Variants in DLST observed in about 807,000 individuals in gnomAD.
The protein encoded by DLST is dihydrolipoyllysine-residue succinyltransferase component of 2-oxoglutarate dehydrogenase complex, mitochondrial.
In DLST, 17 loss-of-function variants were observed where a neutral mutation model predicts 53.1. The ratio of observed to expected loss-of-function variants is 0.32; its 90% CI spans 0.22 to 0.48. The LOEUF (loss-of-function observed/expected upper bound fraction) is 0.48, where lower values mean the gene tolerates loss of function less well. Among genes scored for constraint, DLST ranks in the 20% least tolerant of loss-of-function variants. DLST has a pLI of 0.99. For missense variants in DLST, 512 were observed against 583.9 expected, an observed-to-expected ratio of 0.88 and a Z score of 1.27; for synonymous variants, 206 against 204.8, an observed-to-expected ratio of 1.01 and a Z score of -0.05.
rs965635484 is a variant in DLST at position 74,903,494 on chromosome 14, A to C, written c.*1164A>C. On this transcript the variant is annotated 3_prime_UTR_variant, in exon 15 of 15. Coordinates refer to ENST00000334220, the MANE Select transcript of DLST (RefSeq NM_001933.5). ...ATTGGAATTCCTTGGAGCCACTGGG[A>C]TTCATGGCTTTGTATCCAACTGCAT... 1 of 151,244 alleles carries C rather than the reference A, an allele frequency of 6.6e-6. No individual in the cohort carries two copies. The highest frequency in any genetic ancestry group is 2.4e-5 in the African/African-American group (1 of 41,066). 9.4% of individuals were successfully genotyped at this position (151,244 alleles called of 1,614,324 possible).
chr14:74,890,988 T>C (rs1290033645), intron 6 of DLST, 68 bp from the exon 7 acceptor site: 2 of 1,559,874 alleles, frequency 1.3e-6, no homozygotes, highest in Non-Finnish European at 1.7e-6. Flanking sequence ...TCATTGGAGA[T>C]TCTATACAGC....
intron 1 of DLST, 101 bp from the exon 2 acceptor site, chr14:74,882,490 C>T (rs939502601): frequency 4.6e-5 from 55 of 1,184,026 alleles, no homozygotes; most frequent in Non-Finnish European, 6.4e-5. Flanking sequence ...CGAGATTCAC[C>T]TGTCACCACC....
At chr14:74,890,050 T>A in intron 6 of DLST, 98 bp downstream of exon 6, 2 of 835,382 alleles carry the variant, frequency 2.4e-6, no homozygotes, top group Non-Finnish European at 3.6e-6. Flanking sequence ...AGATAATTTT[T>A]AACTAGCTCT....
At position 74,895,008 on chromosome 14, in the gene DLST, G is replaced by A. The variant is rs1232068754; in HGVS notation, c.770+599G>A. Among the ~76,000 whole-genome samples, 3 of 152,064 alleles carry A rather than the reference G, an allele frequency of 2.0e-5. No homozygotes were observed. In the South Asian group the frequency reaches 6.2e-4, roughly 31 times the overall value. ...TTTGGGAGGCCGAGGCAGGCGGATTGCTTGAGTCCAGGAGTTCAAGACCAG... is the reference window on the plus strand; with the variant it reads ...TTTGGGAGGCCGAGGCAGGCGGATTACTTGAGTCCAGGAGTTCAAGACCAG... On this transcript the variant is annotated intron_variant, in intron 10 of 14. Coordinates refer to ENST00000334220, the MANE Select transcript of DLST (RefSeq NM_001933.5).
intron 2 of DLST, among the ~76,000 whole-genome samples, 159 bp downstream of exon 2, chr14:74,882,783 C>T (rs978939165): frequency 1.3e-5 from 2 of 152,206 alleles, no homozygotes; most frequent in African/African-American, 4.8e-5. Flanking sequence ...ATCGCTTATT[C>T]ATTTAGCTCG....
At chr14:74,882,430 G>A (rs973398202) in intron 1 of DLST, among the ~76,000 whole-genome samples, 161 bp from the exon 2 acceptor site, 4 of 150,022 alleles carry the variant, frequency 2.7e-5, no homozygotes, top group Non-Finnish European at 4.5e-5. Flanking sequence ...CAGGCCCAGC[G>A]TGTTGATTGG....
At chr14:74,889,665 G>A (rs1357686480) in intron 5 of DLST, 6 of 559,250 alleles carry the variant, frequency 1.1e-5, no homozygotes, top group Non-Finnish European at 1.9e-5. Context: ...GAGCCACTGC[G>A]TGAGCCACTG....
At chr14:74,898,234 T>G in intron 10 of DLST, 135 bp from the exon 11 acceptor site, 1 of 1,144,370 alleles carries the variant, frequency 8.7e-7, no homozygotes, top group Non-Finnish European at 1.2e-6. Flanking sequence ...AGGTAGACTA[T>G]TTCAAAACTT....
Position 74,902,296 on chromosome 14 carries a change from T to C in DLST, c.1328T>C (p.Val443Ala). The part of the protein sequence containing the change: ...VTFLRKIKAA[V>A]EDPRVLLLDL ...TTCCTCCGCAAAATCAAGGCAGCGG[T>C]AGAGGATCCCAGAGTCCTCCTCCTG... The change falls in exon 15 of 15, where the codon GTA becomes GCA. Residue 443 changes from valine (V) to alanine (A), a missense_variant. By Grantham distance (64) the Val-to-Ala change is moderately conservative (BLOSUM62 0). Transcript: ENST00000334220. The C allele has an allele frequency of 6.2e-7, 1 of 1,612,908 alleles. No homozygotes were observed. The highest frequency in any genetic ancestry group is 8.5e-7 in the Non-Finnish European group (1 of 1,179,582).
intron 1 of DLST, 26 bp downstream of exon 1, chr14:74,882,042 C>T (rs564767822): frequency 1.3e-6 from 2 of 1,529,146 alleles, no homozygotes; most frequent in South Asian, 1.2e-5. Context: ...GCCGGGGCCC[C>T]GACGGGTGAG....
At chr14:74,896,849 G>A (rs1436759712) in intron 10 of DLST, among the ~76,000 whole-genome samples, 2 of 152,216 alleles carry the variant, frequency 1.3e-5, no homozygotes, top group Non-Finnish European at 2.9e-5. Flanking sequence ...TGGAAAGGAA[G>A]CGTAATAGCT....
In DLST at chr14:74,901,053, A is replaced by C; in HGVS notation, c.1060-13A>C. ...GGTTGGCTTGATATTTCAATTATGAAATCTGTTTTTAGGCCCGAAAGAATG... is the reference window on the plus strand; with the variant it reads ...GGTTGGCTTGATATTTCAATTATGACATCTGTTTTTAGGCCCGAAAGAATG... On this transcript the variant is annotated splice_polypyrimidine_tract_variant and intron_variant, in intron 13 of 14. Transcript: ENST00000334220. 6.2e-7 allele frequency: 1 copy of C among 1,612,846 alleles called. No individual in the cohort carries two copies. The highest frequency in any genetic ancestry group is 1.3e-5 in the African/African-American group (1 of 74,910).
At chr14:74,891,486 C>T (rs1413975059) in intron 7 of DLST, 3 of 1,010,152 alleles carry the variant, frequency 3.0e-6, no homozygotes, top group Non-Finnish European at 2.4e-6. Context: ...CTGAAATGCT[C>T]CAAAACTGAA....
At position 74,893,347 on chromosome 14, in the gene DLST, G is replaced by A. The variant is rs772669858; in HGVS notation, c.596-1G>A. 9 of 1,614,044 alleles carry A rather than the reference G, an allele frequency of 5.6e-6. No homozygotes were observed. The highest frequency in any genetic ancestry group is 2.7e-5 in the African/African-American group (2 of 74,898). The stretch of plus-strand genomic sequence containing the variant: ...CAGCTTTATCCTCTTTTCATTTTCA[G>A]TGTCTGCAGTAAAACCCACTGTTGC... On this transcript the variant is annotated splice_acceptor_variant, in intron 8 of 14. Coordinates refer to ENST00000334220, the MANE Select transcript of DLST (RefSeq NM_001933.5). LOFTEE classifies it high-confidence loss of function.
chr14:74,900,537 C>T (rs548997631), intron 13 of DLST, among the ~76,000 whole-genome samples, 165 bp downstream of exon 13: 2 of 152,276 alleles, frequency 1.3e-5, no homozygotes, highest in Admixed American at 1.3e-4. Context: ...GTGGAGTTTA[C>T]CATGCTCTGG....
rs1192791395 is a variant in DLST, at chr14:74,892,960, C to G, written c.569C>G (p.Pro190Arg). The change falls in exon 8 of 15, where the codon CCC becomes CGC. Residue 190 changes from proline (P) to arginine (R), a missense_variant. Physicochemically the swap from Pro to Arg is moderately radical, Grantham distance 103. This residue lies in a region of DLST where 162 missense variants were observed against 162.0 expected (regional missense o/e 1.00). Transcript: ENST00000334220. Reference sequence around the variant, plus strand: ...ACTCAGATGCCACCGGTGCCCTCGCCCTCACAGCCTCCTTCTGGCAAACCT... The same window carrying G: ...ACTCAGATGCCACCGGTGCCCTCGCGCTCACAGCCTCCTTCTGGCAAACCT... ...IPTQMPPVPSPSQPPSGKPVS... is the reference protein window; with the variant it reads ...IPTQMPPVPSRSQPPSGKPVS... 6.2e-7 allele frequency: 1 copy of G among 1,613,132 alleles called. No homozygotes were observed. Among genetic ancestry groups the G allele is most frequent in the Non-Finnish European group, 8.5e-7 (1 of 1,179,710 alleles).
intron 1 of DLST, 38 bp downstream of exon 1, chr14:74,882,054 A>C: frequency 2.0e-6 from 3 of 1,491,912 alleles, no homozygotes; most frequent in Non-Finnish European, 2.7e-6. Flanking sequence ...ACGGGTGAGG[A>C]GTCTGTTGGC....
In DLST at chr14:74,893,371, G is replaced by A; in HGVS notation, c.619G>A (p.Ala207Thr). ...AGTGTCTGCAGTAAAACCCACTGTT[G>A]CCCCACCACTAGCTGAGCCAGGAGC... is the stretch of plus-strand genomic sequence containing the variant. The part of the protein sequence containing the change: ...KPVSAVKPTV[A>T]PPLAEPGAGK... The change falls in exon 9 of 15, where the codon GCC becomes ACC. Residue 207 changes from alanine to threonine, a missense_variant. Ala to Thr is a moderately conservative substitution (Grantham distance 58, BLOSUM62 0). Transcript: ENST00000334220. 6.2e-7 allele frequency: 1 copy of A among 1,614,150 alleles called. No individual in the cohort carries two copies. Among genetic ancestry groups the A allele is most frequent in the Non-Finnish European group, 8.5e-7 (1 of 1,180,034 alleles).
rs904751604 is a variant in DLST, at chr14:74,893,575, C to T, written c.672+151C>T. 6 of 778,274 alleles carry T rather than the reference C, an allele frequency of 7.7e-6. No homozygotes were observed. In the African/African-American group the frequency reaches 8.7e-5, roughly 11 times the overall value. 48.2% of individuals were successfully genotyped at this position (778,274 alleles called of 1,614,324 possible). ...GTTTAGGATATAACTTCTTCATAGTCACATAACCATCAAATGATAGGACTA... is the reference window on the plus strand; with the variant it reads ...GTTTAGGATATAACTTCTTCATAGTTACATAACCATCAAATGATAGGACTA... On this transcript the variant is annotated intron_variant, in intron 9 of 14. Transcript: ENST00000334220.
Sources: allele counts gnomAD v4.1 joint callset (sites outside exome capture counted in the v4.1 genomes callset), GRCh38; gene constraint gnomAD v4.1.1; regional missense constraint gnomAD v4.1.1; transcripts MANE v1.5; gene names NCBI Gene and HGNC (gene_info 2026-07-23, HGNC 2026-07-21).